Variants in LTN1 observed in about 807,000 individuals in gnomAD.
The protein encoded by LTN1 is E3 ubiquitin-protein ligase listerin.
In LTN1, 88 loss-of-function variants were observed where a neutral mutation model predicts 201.2. The observed-to-expected ratio is 0.44, with a 90% CI of 0.37 to 0.52. The LOEUF (loss-of-function observed/expected upper bound fraction) is 0.52. LTN1 is among the 20% of genes least tolerant of loss of function. LTN1 has a pLI of 0.00. For synonymous variants in LTN1, 645 were observed against 713.5 expected (o/e 0.90, Z 1.53); for missense variants, 1,752 against 2,038.7 (o/e 0.86, Z 2.71).
chr21:28,936,479 T>C, intron 26 of LTN1, 47 bp downstream of exon 26: 1 of 1,465,556 alleles, frequency 6.8e-7, no homozygotes, highest in Non-Finnish European at 9.3e-7. Context: ...TTCAACCTAG[T>C]CTGAATCTAG....
At chr21:28,972,641 A>G (rs1430983007) in intron 6 of LTN1, among the ~76,000 whole-genome samples, 1 of 152,220 alleles carries the variant, frequency 6.6e-6, no homozygotes, top group Non-Finnish European at 1.5e-5. Flanking sequence ...TGGAGAGACA[A>G]AAAGATGAAA....
At chr21:28,931,392 A>G (rs909905036) in intron 28 of LTN1, 70 bp from the exon 29 acceptor site, 1 of 894,232 alleles carries the variant, frequency 1.1e-6, no homozygotes, top group African/African-American at 1.7e-5. Flanking sequence ...TCAATTTCAC[A>G]AATTTTAAAG....
At chr21:28,959,335 A>G (rs2084454454) in intron 13 of LTN1, 123 bp downstream of exon 13, 2 of 1,172,908 alleles carry the variant, frequency 1.7e-6, no homozygotes, top group South Asian at 1.6e-5. Flanking sequence ...GTAGCCCTTT[A>G]CTCAAAATGC....
At chr21:28,977,696 C>A (rs1395156327) in intron 6 of LTN1, among the ~76,000 whole-genome samples, 1 of 152,054 alleles carries the variant, frequency 6.6e-6, no homozygotes, top group African/African-American at 2.4e-5. Context: ...ATACTCCAGT[C>A]CAAGTGACCG....
chr21:28,968,948 C>T (rs1054960228), intron 9 of LTN1, among the ~76,000 whole-genome samples: 5 of 150,240 alleles, frequency 3.3e-5, no homozygotes, highest in Non-Finnish European at 5.9e-5. Flanking sequence ...AGGCCGGGCG[C>T]GGTGGCTCAC....
At chr21:28,970,794 C>A in intron 7 of LTN1, 52 bp from the exon 8 acceptor site, 1 of 1,388,728 alleles carries the variant, frequency 7.2e-7, no homozygotes, top group South Asian at 1.5e-5. Flanking sequence ...ACATACTTTT[C>A]TCAATTAAAA....
At chr21:28,931,562 G>A (rs918908815) in intron 28 of LTN1, among the ~76,000 whole-genome samples, 1 of 152,160 alleles carries the variant, frequency 6.6e-6, no homozygotes, top group African/African-American at 2.4e-5. Flanking sequence ...AATACTTAAA[G>A]TGTTATAGTC....
At chr21:28,946,414 A>G in intron 19 of LTN1, 127 bp from the exon 20 acceptor site, 2 of 570,622 alleles carry the variant, frequency 3.5e-6, no homozygotes, top group Non-Finnish European at 5.8e-6. Context: ...TCTAATAATG[A>G]CTTTTATCTA....
intron 4 of LTN1, among the ~76,000 whole-genome samples, chr21:28,983,250 T>C (rs1271058729): frequency 2.6e-5 from 4 of 152,194 alleles, no homozygotes; most frequent in Admixed American, 6.5e-5. Flanking sequence ...TGTTCAATGA[T>C]TAGTTATCCA....
chr21:28,983,799 A>AT (rs1224054988), intron 4 of LTN1, among the ~76,000 whole-genome samples: 1 of 152,202 alleles, frequency 6.6e-6, no homozygotes, highest in Admixed American at 6.5e-5. Context: ...GCAAGCATAG[A>AT]TTTTTTAAAA....
intron 11 of LTN1, among the ~76,000 whole-genome samples, chr21:28,963,827 A>G (rs953298271): frequency 3.3e-5 from 5 of 152,220 alleles, no homozygotes; most frequent in African/African-American, 4.8e-5. Context: ...AAATAGCAAC[A>G]TTAATAGGAG....
At chr21:28,965,795 A>G (rs913778844) in intron 11 of LTN1, 70 bp downstream of exon 11, 1 of 852,406 alleles carries the variant, frequency 1.2e-6, no homozygotes, top group African/African-American at 1.8e-5. Flanking sequence ...TTGTGTAAAT[A>G]GGACTACGGT....
At chr21:28,956,235 T>C (rs1310502802) in intron 16 of LTN1, among the ~76,000 whole-genome samples, 1 of 152,160 alleles carries the variant, frequency 6.6e-6, no homozygotes, top group African/African-American at 2.4e-5. Flanking sequence ...TAGTTAACAA[T>C]GATTTATATT....
In LTN1 at chr21:28,965,852, A is replaced by G; in HGVS notation, c.2163+13T>C. On this transcript the variant is annotated intron_variant, in intron 11 of 29. Coordinates refer to ENST00000361371, the MANE Select transcript of LTN1 (RefSeq NM_015565.3). ...AATACAAAAAAAAAAAGAAAAAAAA[A>G]TCCCTAAGATACCTTTTCAATAATC... The G allele has an allele frequency of 7.1e-7, 1 of 1,400,996 alleles. No homozygotes were observed. Among genetic ancestry groups the G allele is most frequent in the Non-Finnish European group, 9.8e-7 (1 of 1,018,730 alleles). 86.8% of individuals were successfully genotyped at this position (1,400,996 alleles called of 1,614,324 possible).
At chr21:28,977,168 G>A (rs553563961) in intron 6 of LTN1, among the ~76,000 whole-genome samples, 1 of 152,304 alleles carries the variant, frequency 6.6e-6, no homozygotes, top group Admixed American at 6.5e-5. Flanking sequence ...GAGGTCAGGA[G>A]TTCGAGACCA....
intron 11 of LTN1, chr21:28,964,772 T>G: frequency 6.5e-7 from 1 of 1,549,224 alleles, no homozygotes; most frequent in South Asian, 1.2e-5. Context: ...CATTCCTAAG[T>G]TGGAAATGGA....
chr21:28,981,777 C>T (rs1186337405), intron 5 of LTN1, among the ~76,000 whole-genome samples: 9 of 152,240 alleles, frequency 5.9e-5, no homozygotes, highest in Non-Finnish European at 1.3e-4. Flanking sequence ...AAAAACATCT[C>T]TTTCTAATAC....
At chr21:28,969,363 T>G (rs1016606098) in intron 9 of LTN1, 103 bp downstream of exon 9, 1 of 975,828 alleles carries the variant, frequency 1.0e-6, no homozygotes, top group Non-Finnish European at 1.4e-6. Flanking sequence ...AAATAAAATT[T>G]TTACAAGGAA....
chr21:28,953,228 C>A lies in LTN1; in HGVS notation c.3228G>T (p.Leu1076=), dbSNP rs774132049. 4.5e-6 allele frequency: 7 copies of A among 1,567,820 alleles called. No homozygotes were observed. The South Asian group carries it at 7.2e-5, about 16-fold the overall frequency. The change falls in exon 17 of 30, where the codon CTG becomes CTT. Residue 1076 remains leucine, a synonymous_variant. Transcript: ENST00000361371. ...VLGNTSGLLQ[L]LFNRSREHGT... Reference sequence around the variant, plus strand: ...AAAGAGATTCTTACCTGTTAAATAACAGCTGCAAAAGGCCCGACGTATTAC... The same window carrying A: ...AAAGAGATTCTTACCTGTTAAATAAAAGCTGCAAAAGGCCCGACGTATTAC...
Sources: gnomAD v4.1 joint callset for allele counts (sites outside exome capture counted in the v4.1 genomes callset) on GRCh38, gnomAD v4.1.1 for gene constraint, MANE v1.5 for transcripts, NCBI Gene and HGNC (gene_info 2026-07-23, HGNC 2026-07-21) for gene names.